The following PPP2R5A variants were observed in gnomAD, a reference collection of about 807,000 sequenced individuals.
PPP2R5A encodes the protein protein phosphatase 2 regulatory subunit B'alpha.
Under a neutral mutation model 64.2 loss-of-function variants are expected in PPP2R5A, and 25 were observed. The ratio of observed to expected loss-of-function variants is 0.39; its 90% CI spans 0.28 to 0.54. The LOEUF (loss-of-function observed/expected upper bound fraction) is 0.54. Ranked by LOEUF, PPP2R5A falls within the 20% of genes least tolerant of loss-of-function variation. The probability of loss-of-function intolerance (pLI) is 0.67; values close to 1 mark genes in which losing one functional copy is unlikely to be tolerated. For missense variants in PPP2R5A, 425 were observed against 576.3 expected, an observed-to-expected ratio of 0.74 and a Z score of 2.69; for synonymous variants, 198 against 201.2, an observed-to-expected ratio of 0.98 and a Z score of 0.13.
chr1:212,312,922 T>G (rs1659065396), intron 1 of PPP2R5A, among the ~76,000 whole-genome samples: 1 of 152,154 alleles, frequency 6.6e-6, no homozygotes, highest in East Asian at 1.9e-4. Flanking sequence ...TGGTTTTACA[T>G]TAAAAAAATG....
intron 2 of PPP2R5A, 128 bp downstream of exon 2, chr1:212,329,459 C>CAT: frequency 1.3e-6 from 1 of 786,986 alleles, no homozygotes; most frequent in Non-Finnish European, 1.9e-6. Context: ...GAAAATAGTT[C>CAT]ATACCCCATC....
intron 1 of PPP2R5A, among the ~76,000 whole-genome samples, chr1:212,320,960 CGG>C (rs1483529457): frequency 1.1e-3 from 110 of 95,786 alleles, no homozygotes; most frequent in South Asian, 2.5e-3. Flanking sequence ...GCCTCCCTCC[CGG>C]ACGGGGCGGC....
intron 4 of PPP2R5A, among the ~76,000 whole-genome samples, chr1:212,345,374 T>C (rs751092758): frequency 6.6e-6 from 1 of 152,210 alleles, no homozygotes; most frequent in Non-Finnish European, 1.5e-5. Flanking sequence ...ACTAGAAATA[T>C]ACATTTACAC....
intron 1 of PPP2R5A, among the ~76,000 whole-genome samples, chr1:212,324,112 C>A (rs561895397): frequency 6.6e-5 from 10 of 151,874 alleles, no homozygotes; most frequent in Non-Finnish European, 1.0e-4. Flanking sequence ...AAACCTACTA[C>A]GATTATGCTT....
chr1:212,333,469 C>A, intron 2 of PPP2R5A, 28 bp from the exon 3 acceptor site: 1 of 1,386,220 alleles, frequency 7.2e-7, no homozygotes. Flanking sequence ...CATACAACAA[C>A]GAACGTAAAA....
intron 1 of PPP2R5A, among the ~76,000 whole-genome samples, chr1:212,305,090 G>A (rs1174947130): frequency 2.8e-5 from 4 of 143,562 alleles, no homozygotes; most frequent in African/African-American, 1.1e-4. Context: ...AGGCTGGAGT[G>A]CAGTGGCTCC....
chr1:212,359,064 A>AT (rs1660035425), intron 12 of PPP2R5A, among the ~76,000 whole-genome samples: 1 of 152,218 alleles, frequency 6.6e-6, no homozygotes, highest in South Asian at 2.1e-4. Flanking sequence ...TTAGATTATG[A>AT]TTTTAATGTG....
chr1:212,316,151 A>G (rs1659147808), intron 1 of PPP2R5A, among the ~76,000 whole-genome samples: 1 of 152,150 alleles, frequency 6.6e-6, no homozygotes, highest in African/African-American at 2.4e-5. Context: ...AGAGTCTCAC[A>G]CCTCACTTTA....
At position 212,360,863 on chromosome 1, in the gene PPP2R5A, A is replaced by ATAAT. The variant is rs1287182800; in HGVS notation, c.*97_*100dup. ...ACAAAACAAACCTCATCAGTATAAT[A>ATAAT]TAATTAAAAGGCCAATTTTTTCTGG... On this transcript the variant is annotated 3_prime_UTR_variant, in exon 13 of 13. Transcript: ENST00000261461. 2 of 1,279,620 alleles carry ATAAT rather than the reference A, an allele frequency of 1.6e-6. No homozygotes were observed. The highest frequency in any genetic ancestry group is 2.0e-6 in the Non-Finnish European group (2 of 978,370). 79.3% of individuals were successfully genotyped at this position (1,279,620 alleles called of 1,614,324 possible). A position where few individuals can be genotyped will look rare whatever the true frequency, so the allele number is the denominator to read the frequency against.
At chr1:212,348,738 G>A (rs924641669) in intron 7 of PPP2R5A, among the ~76,000 whole-genome samples, 3 of 152,084 alleles carry the variant, frequency 2.0e-5, no homozygotes, top group South Asian at 2.1e-4. Context: ...TATAGTCCAG[G>A]TCTTGACCTA....
intron 1 of PPP2R5A, among the ~76,000 whole-genome samples, chr1:212,328,714 A>G (rs1162507641): frequency 6.6e-6 from 1 of 152,214 alleles, no homozygotes; most frequent in Non-Finnish European, 1.5e-5. Context: ...GCTGTAGTCC[A>G]GATGAGGCAT....
chr1:212,350,775 G>C (rs373717234), intron 8 of PPP2R5A, among the ~76,000 whole-genome samples: 3 of 152,144 alleles, frequency 2.0e-5, no homozygotes, highest in African/African-American at 4.8e-5. Flanking sequence ...TTGGTAAATA[G>C]TATACAAATA....
At chr1:212,287,178 G>A (rs1049218769) in intron 1 of PPP2R5A, among the ~76,000 whole-genome samples, 9 of 152,128 alleles carry the variant, frequency 5.9e-5, no homozygotes, top group African/African-American at 1.9e-4. Flanking sequence ...GATTTTCGAT[G>A]TTATTTCCTG....
rs1270796833 is a variant in PPP2R5A, at chr1:212,350,112, A to C, written c.927+870A>C. On this transcript the variant is annotated intron_variant, in intron 8 of 12. Transcript: ENST00000261461. ...GTTTGAAAAACTAAAATATATATGT[A>C]TTTTTACTATATTATGAACCTTCTC... Among the ~76,000 whole-genome samples, 3 of 152,276 alleles carry C rather than the reference A, an allele frequency of 2.0e-5. No individual in the cohort carries two copies. In the East Asian group the frequency reaches 5.8e-4, roughly 29 times the overall value.
intron 1 of PPP2R5A, among the ~76,000 whole-genome samples, chr1:212,318,171 T>C (rs899109258): frequency 6.6e-6 from 1 of 152,228 alleles, no homozygotes; most frequent in Non-Finnish European, 1.5e-5. Context: ...TTGAGAATTA[T>C]CTTTAGTGAG....
chr1:212,292,402 A>G (rs1658615910), intron 1 of PPP2R5A, among the ~76,000 whole-genome samples: 1 of 152,216 alleles, frequency 6.6e-6, no homozygotes, highest in Non-Finnish European at 1.5e-5. Flanking sequence ...CTGTTATGGT[A>G]CCAAATACAG....
chr1:212,327,709 G>A (rs1027523412), intron 1 of PPP2R5A, among the ~76,000 whole-genome samples: 3 of 151,490 alleles, frequency 2.0e-5, no homozygotes, highest in African/African-American at 2.4e-5. Context: ...CCACCACACC[G>A]GCCCATTTTT....
At chr1:212,347,799 G>A (rs1176251277) in intron 6 of PPP2R5A, among the ~76,000 whole-genome samples, 2 of 152,040 alleles carry the variant, frequency 1.3e-5, no homozygotes, top group African/African-American at 4.8e-5. Flanking sequence ...ACCCCCTTCG[G>A]CCTCCCACAG....
chr1:212,288,181 T>C (rs948101549), intron 1 of PPP2R5A, among the ~76,000 whole-genome samples: 1 of 152,168 alleles, frequency 6.6e-6, no homozygotes, highest in Non-Finnish European at 1.5e-5. Context: ...CATGGCCGGC[T>C]AATTTCGTAT....
Sources: allele counts gnomAD v4.1 joint callset (sites outside exome capture counted in the v4.1 genomes callset), GRCh38; gene constraint gnomAD v4.1.1; transcripts MANE v1.5; gene names NCBI Gene and HGNC (gene_info 2026-07-23, HGNC 2026-07-21).